The following RYR2 variants were observed in gnomAD, a reference collection of about 807,000 sequenced individuals.
RYR2 encodes ryanodine receptor 2.
In RYR2, 227 loss-of-function variants were observed where a neutral mutation model predicts 601.1. The ratio of observed to expected loss-of-function variants is 0.38; its 90% CI spans 0.34 to 0.42. RYR2 has a LOEUF of 0.42. RYR2 is among the 10% of genes least tolerant of loss of function. The probability of loss-of-function intolerance (pLI) is 1.00; values close to 1 mark genes in which losing one functional copy is unlikely to be tolerated. For missense variants in RYR2, 4,646 were observed against 6,156.5 expected (o/e 0.75, Z 8.21); for synonymous variants, 2,223 against 2,175.1 (o/e 1.02, Z -0.61).
chr1:237,708,991 G>C lies in RYR2; in HGVS notation c.10035G>C (p.Arg3345Ser), dbSNP rs754976419. ...SEEDHLKAEA[R>S]GDMSEAELLI... ...AAGACCACCTGAAAGCTGAGGCCAG[G>C]GGGGACATGTCGGAGGCAGAACTCC... Residue 3345 changes from arginine to serine, a missense_variant, in exon 69 of 105, where the codon AGG becomes AGC. Physicochemically the swap from Arg to Ser is moderately radical, Grantham distance 110. Transcript: ENST00000366574. The C allele has an allele frequency of 5.6e-6, 9 of 1,613,812 alleles. No homozygotes were observed. The highest frequency in any genetic ancestry group is 5.0e-5 in the Admixed American group (3 of 60,000).
rs1384702862 is a variant in RYR2, at chr1:237,180,873, A to G, written c.49-89624A>G. Among the ~76,000 whole-genome samples, 3 of 148,424 alleles carry G rather than the reference A, an allele frequency of 2.0e-5. No homozygotes were observed. The highest frequency in any genetic ancestry group is 6.8e-5 in the Admixed American group (1 of 14,798). The stretch of plus-strand genomic sequence containing the variant: ...GTATATATTTATACTAATTAAATAT[A>G]TTTGATTATATAATTATAACAATAA... On this transcript the variant is annotated intron_variant, in intron 1 of 104. Transcript: ENST00000366574. This position sits in a 1 kb window ranked among gnomAD's most constrained non-coding sequence, Gnocchi z 5.3.
chr1:237,099,413 T>C (rs952186731), intron 1 of RYR2, among the ~76,000 whole-genome samples: 5 of 152,048 alleles, frequency 3.3e-5, no homozygotes, highest in Non-Finnish European at 5.9e-5. Context: ...AATTTTTAAA[T>C]TTTTCGTAGA....
At chr1:237,708,423 A>G (rs898756870) in intron 68 of RYR2, among the ~76,000 whole-genome samples, 1 of 152,218 alleles carries the variant, frequency 6.6e-6, no homozygotes, top group Non-Finnish European at 1.5e-5. Flanking sequence ...GCAGTGTTCC[A>G]TATAATCTAA....
At chr1:237,797,410 G>A (rs1402644282) in intron 96 of RYR2, among the ~76,000 whole-genome samples, 1 of 152,158 alleles carries the variant, frequency 6.6e-6, no homozygotes, top group African/African-American at 2.4e-5. Context: ...ATACTCAGGG[G>A]AGTGGGTTAG....
At chr1:237,721,627 T>C (rs1689723295) in intron 73 of RYR2, among the ~76,000 whole-genome samples, 1 of 152,148 alleles carries the variant, frequency 6.6e-6, no homozygotes, top group Non-Finnish European at 1.5e-5. Context: ...CAAGCGATTC[T>C]CCTGCCTCAG....
rs143552839 is a variant in RYR2, at chr1:237,636,945, A to G, written c.6793-1412A>G. On this transcript the variant is annotated intron_variant, in intron 44 of 104. Transcript: ENST00000366574. ...AAAGAAGCCAGGCACAGAAAGATATATGCTGCATGGTTATGTGTACAAGTG... is the reference window on the plus strand; with the variant it reads ...AAAGAAGCCAGGCACAGAAAGATATGTGCTGCATGGTTATGTGTACAAGTG... Among the ~76,000 whole-genome samples the G allele has an allele frequency of 4.1e-3, 617 of 152,328 alleles. 1 individual carries two copies. The highest frequency in any genetic ancestry group is 0.022 in the East Asian group (115 of 5,180).
At position 237,118,728 on chromosome 1, in the gene RYR2, C is replaced by T. The variant is rs548818707; in HGVS notation, c.48+76159C>T. On this transcript the variant is annotated intron_variant, in intron 1 of 104. Transcript: ENST00000366574. ...AAGCGATTCTCCTGCCTCAGCCTCC[C>T]GAGTAGCTGGGACTACAGGCATGGA... Among the ~76,000 whole-genome samples, 4 of 152,126 alleles carry T rather than the reference C, an allele frequency of 2.6e-5. No homozygotes were observed. The East Asian group carries it at 5.8e-4, about 22-fold the overall frequency.
intron 86 of RYR2, 103 bp downstream of exon 86, chr1:237,772,203 T>C (rs1694326574): frequency 1.6e-6 from 1 of 620,250 alleles, no homozygotes; most frequent in African/African-American, 1.9e-5. Flanking sequence ...AAGGAGTTTT[T>C]GAGATAGTTT....
At position 237,136,030 on chromosome 1, in the gene RYR2, CCTT is replaced by C. The variant is rs770010166; in HGVS notation, c.48+93469_48+93471del. 3.9e-5 allele frequency among the ~76,000 whole-genome samples: 6 copies of C among 152,256 alleles called. No homozygotes were observed. In the South Asian group the frequency reaches 1.0e-3, roughly 26 times the overall value. ...TTGTGCAGGAAAGCCACTTTGCTTC[CCTT>C]CTTCTTCAGATCCTCTTCACTGGCT... On this transcript the variant is annotated intron_variant, in intron 1 of 104. Coordinates refer to ENST00000366574, the MANE Select transcript of RYR2 (RefSeq NM_001035.3).
chr1:237,535,484 TACACACACACAC>T (rs58146773), intron 25 of RYR2, among the ~76,000 whole-genome samples: 20 of 144,638 alleles, frequency 1.4e-4, no homozygotes, highest in South Asian at 2.2e-4. Flanking sequence ...CAAACACACA[TACACACACACAC>T]ACACACACAC....
intron 2 of RYR2, among the ~76,000 whole-genome samples, chr1:237,286,186 T>C (rs1220903206): frequency 6.6e-6 from 1 of 152,248 alleles, no homozygotes; most frequent in East Asian, 1.9e-4. Context: ...AGCACCACCT[T>C]TGCAGTATTT....
chr1:237,302,816 A>G (rs1693493381), intron 2 of RYR2, among the ~76,000 whole-genome samples: 1 of 152,214 alleles, frequency 6.6e-6, no homozygotes, highest in South Asian at 2.1e-4. Context: ...ATATCTCTGG[A>G]CACTGTTCAA....
intron 2 of RYR2, among the ~76,000 whole-genome samples, chr1:237,280,811 G>A (rs1294826662): frequency 6.7e-6 from 1 of 149,430 alleles, no homozygotes; most frequent in East Asian, 2.0e-4. Context: ...CTGAGATGGA[G>A]TCTCACTCTG....
Position 237,590,980 on chromosome 1 carries a change from G to A in RYR2, c.4148G>A (p.Arg1383His), listed in dbSNP as rs752124839. The change falls in exon 31 of 105, where the codon CGT (arginine) becomes CAT (histidine). Residue 1383 changes from arginine to histidine, a missense_variant. Around this residue, in one of 17 missense-constraint regions of RYR2, gnomAD observed 1,807 missense variants for 2,088.1 expected, o/e 0.87. Transcript: ENST00000366574. ...GATTATGCCCAGGAAAAGCCCTCTC[G>A]TCTGAAACAAAGGTTACTAATTTAT... ...HKDYAQEKPS[R>H]LKQRFLLRRT... 2.7e-5 allele frequency: 43 copies of A among 1,611,248 alleles called. No individual in the cohort carries two copies. The highest frequency in any genetic ancestry group is 4.0e-5 in the African/African-American group (3 of 74,676).
chr1:237,740,789 G>T (rs892957093), intron 79 of RYR2, among the ~76,000 whole-genome samples: 1 of 152,078 alleles, frequency 6.6e-6, no homozygotes, highest in African/African-American at 2.4e-5. Flanking sequence ...ATTTACTAAT[G>T]CACACTGCTA....
intron 2 of RYR2, among the ~76,000 whole-genome samples, chr1:237,293,893 C>CA (rs907634232): frequency 6.6e-6 from 1 of 152,072 alleles, no homozygotes; most frequent in African/African-American, 2.4e-5. Flanking sequence ...GTAATCAAGT[C>CA]AACCTTCAGC....
chr1:237,194,427 C>T lies in RYR2; in HGVS notation c.49-76070C>T, dbSNP rs181582814. On this transcript the variant is annotated intron_variant, in intron 1 of 104. Transcript: ENST00000366574. The stretch of plus-strand genomic sequence containing the variant: ...CTCATAGTGCAGCCTCTGAGATTCC[C>T]GTGTGGGAGAGGTAGGCCTGGGAAT... Among the ~76,000 whole-genome samples the T allele has an allele frequency of 7.6e-3, 1,161 of 152,196 alleles. 10 individuals are homozygous for T. The highest frequency in any genetic ancestry group is 0.012 in the Non-Finnish European group (847 of 68,026).
chr1:237,412,850 G>A lies in RYR2; in HGVS notation c.774-4199G>A, dbSNP rs536856382. The stretch of plus-strand genomic sequence containing the variant: ...AAGGGCATTTGCTCTGAGTATAATC[G>A]TTTATTTGTATGAGTTCAAAGTTGG... On this transcript the variant is annotated intron_variant, in intron 10 of 104. Coordinates refer to ENST00000366574, the MANE Select transcript of RYR2 (RefSeq NM_001035.3). 1.4e-3 allele frequency among the ~76,000 whole-genome samples: 220 copies of A among 152,160 alleles called. 1 individual carries two copies. The highest frequency in any genetic ancestry group is 3.3e-3 in the South Asian group (16 of 4,820).
chr1:237,143,324 T>TCA (rs1673596354), intron 1 of RYR2, among the ~76,000 whole-genome samples: 1 of 152,168 alleles, frequency 6.6e-6, no homozygotes, highest in African/African-American at 2.4e-5. Context: ...GTATCTCTGA[T>TCA]CTCATTCCAT....
Sources: gnomAD v4.1 joint callset for allele counts (sites outside exome capture counted in the v4.1 genomes callset) on GRCh38, gnomAD v4.1.1 for gene constraint, gnomAD v4.1.1 regional missense constraint, Gnocchi (gnomAD v3.1) non-coding constraint, MANE v1.5 for transcripts, NCBI Gene and HGNC (gene_info 2026-07-23, HGNC 2026-07-21) for gene names.